Variants in ANKRD26 observed in about 807,000 individuals in gnomAD.
ANKRD26 encodes ankyrin repeat domain 26.
Under a neutral mutation model 208.7 loss-of-function variants are expected in ANKRD26, and 141 were observed. That is an observed-to-expected ratio of 0.68 (90% confidence interval 0.59 to 0.78). The LOEUF is 0.78. Ranked by LOEUF, ANKRD26 falls within the 30% of genes least tolerant of loss-of-function variation. The pLI, the probability that ANKRD26 is intolerant of heterozygous loss-of-function variation, is 0.00. For synonymous variants in ANKRD26, 636 were observed against 660.4 expected (o/e 0.96, Z 0.57); for missense variants, 1,889 against 1,938.7 (o/e 0.97, Z 0.48).
intron 4 of ANKRD26, among the ~76,000 whole-genome samples, chr10:26,998,715 T>C (rs1464675752): frequency 6.6e-6 from 1 of 152,180 alleles, no homozygotes; most frequent in Admixed American, 6.5e-5. Context: ...ACCAGGGCAA[T>C]CATGAGAGAT....
chr10:26,961,657 A>G, the ANKRD26 span, among the ~76,000 whole-genome samples: 4 of 152,090 alleles, frequency 2.6e-5, no homozygotes, highest in Non-Finnish European at 5.9e-5. Context: ...CAGCCTGGGC[A>G]ATATAGTGAA....
chr10:26,986,227 T>C (rs1388527879), intron 3 of ANKRD26, among the ~76,000 whole-genome samples: 1 of 152,234 alleles, frequency 6.6e-6, no homozygotes, highest in Non-Finnish European at 1.5e-5. Context: ...GTTAGCCATA[T>C]GTAGAAAGCT....
At chr10:26,990,413 C>T (rs996466875), downstream of ANKRD26, among the ~76,000 whole-genome samples, 4 of 152,112 alleles carry the variant, frequency 2.6e-5, no homozygotes, top group African/African-American at 7.2e-5. Context: ...GGGAGTGTAT[C>T]ACACCCAAAG....
At chr10:26,973,343 T>C (rs866741835), downstream of ANKRD26, among the ~76,000 whole-genome samples, 2 of 152,276 alleles carry the variant, frequency 1.3e-5, no homozygotes, top group Middle Eastern at 6.8e-3. Context: ...TTTGCAATCA[T>C]TGTAGTTACC....
In ANKRD26 at chr10:27,100,027, C is replaced by A; in HGVS notation, c.242+58G>T. 1.9e-6 allele frequency: 3 copies of A among 1,608,566 alleles called. No homozygotes were observed. In the East Asian group the frequency reaches 6.7e-5, roughly 36 times the overall value. On this transcript the variant is annotated intron_variant, in intron 1 of 33. Transcript: ENST00000376087. ...CCTGGGTGGCTCCCACAAAAGGGGC[C>A]CCTCTTCCTGCCCGCCTACTCCAGT...
downstream of ANKRD26, among the ~76,000 whole-genome samples, chr10:26,973,849 G>T (rs1228705191): frequency 2.0e-5 from 3 of 151,644 alleles, no homozygotes; most frequent in South Asian, 4.2e-4. Context: ...TAGAGACGGG[G>T]TTTCGCCATG....
chr10:27,021,587 T>C (rs1372209048), intron 29 of ANKRD26, among the ~76,000 whole-genome samples: 1 of 152,238 alleles, frequency 6.6e-6, no homozygotes. Context: ...TCGTATGTCT[T>C]CTTATGAGAA....
intron 20 of ANKRD26, among the ~76,000 whole-genome samples, chr10:27,041,665 A>C (rs932470249): frequency 1.3e-5 from 2 of 152,202 alleles, no homozygotes; most frequent in Non-Finnish European, 2.9e-5. Flanking sequence ...ACTAAATTAG[A>C]TGAAAATAAA....
In ANKRD26 at chr10:27,081,950, C is replaced by G. The variant is rs145806286; in HGVS notation, c.740+853G>C. Among the ~76,000 whole-genome samples the G allele has an allele frequency of 8.6e-5, 13 of 151,088 alleles. No individual in the cohort carries two copies. In the South Asian group the frequency reaches 1.3e-3, roughly 15 times the overall value. ...ACAGGGTTTCACCGTGTTAGCCAGG[C>G]TGGTCTCGATCTCCTGACTTTGTGA... is the stretch of plus-strand genomic sequence containing the variant. On this transcript the variant is annotated intron_variant, in intron 6 of 33. Transcript: ENST00000376087.
At position 27,017,577 on chromosome 10, in the gene ANKRD26, C is replaced by G. The variant is rs765256434; in HGVS notation, c.4431G>C (p.Gln1477His). The G allele has an allele frequency of 5.6e-6, 9 of 1,613,654 alleles. No individual in the cohort carries two copies. Among genetic ancestry groups the G allele is most frequent in the Non-Finnish European group, 7.6e-6 (9 of 1,179,802 alleles). The change falls in exon 30 of 34, where the codon CAG (glutamine) becomes CAC (histidine). Residue 1477 changes from glutamine to histidine, a missense_variant. Transcript: ENST00000376087. ...RNMVELGQVK[Q>H]YKQEIEERAR... The stretch of plus-strand genomic sequence containing the variant: ...CTCTTTCTTCAATCTCCTGTTTATA[C>G]TGTTTGACTTGACCAAGTTCTACCA...
chr10:27,056,519 T>C (rs1421876111), intron 15 of ANKRD26, among the ~76,000 whole-genome samples: 2 of 151,818 alleles, frequency 1.3e-5, no homozygotes, highest in Non-Finnish European at 2.9e-5. Context: ...GTTACATGCC[T>C]GTAATCCCCA....
At chr10:27,019,706 T>C (rs905921712) in intron 29 of ANKRD26, among the ~76,000 whole-genome samples, 3 of 152,240 alleles carry the variant, frequency 2.0e-5, no homozygotes, top group Non-Finnish European at 4.4e-5. Flanking sequence ...TTGTTTGCCA[T>C]GAATAAATTA....
chr10:26,948,518 C>T, the ANKRD26 span, among the ~76,000 whole-genome samples: 1 of 152,190 alleles, frequency 6.6e-6, no homozygotes, highest in South Asian at 2.1e-4. Context: ...CATTTTGATG[C>T]CAATCCCTCA....
intron 9 of ANKRD26, among the ~76,000 whole-genome samples, chr10:27,069,940 AGACCCC>A (rs2055418655): frequency 6.6e-6 from 1 of 151,922 alleles, no homozygotes; most frequent in Admixed American, 6.6e-5. Flanking sequence ...TAATATAGCG[AGACCCC>A]ATCTCTACAA....
intron 9 of ANKRD26, among the ~76,000 whole-genome samples, chr10:27,075,563 G>T (rs143781851): frequency 2.6e-4 from 40 of 152,170 alleles, no homozygotes; most frequent in Non-Finnish European, 5.1e-4. Flanking sequence ...AAATATATAC[G>T]CACCTATCTT....
At chr10:27,043,276 T>C in intron 20 of ANKRD26, 150 bp downstream of exon 20, 2 of 813,048 alleles carry the variant, frequency 2.5e-6, no homozygotes, top group South Asian at 3.3e-5. Flanking sequence ...GAATATATCA[T>C]ATAAAGAACT....
At chr10:27,029,019 C>A in intron 26 of ANKRD26, 74 bp from the exon 27 acceptor site, 1 of 1,220,528 alleles carries the variant, frequency 8.2e-7, no homozygotes, top group African/African-American at 1.5e-5. Context: ...TTAGCAAACA[C>A]CTGAAGGCAT....
At chr10:27,079,256 A>G in intron 6 of ANKRD26, 95 bp from the exon 7 acceptor site, 3 of 990,216 alleles carry the variant, frequency 3.0e-6, no homozygotes, top group Non-Finnish European at 1.6e-6. Context: ...GCCCCCTCCA[A>G]AAAAACAAAA....
chr10:27,079,261 A>C (rs1441678350), intron 6 of ANKRD26, 100 bp from the exon 7 acceptor site: 1 of 932,870 alleles, frequency 1.1e-6, no homozygotes, highest in African/African-American at 1.7e-5. Flanking sequence ...CTCCAAAAAA[A>C]CAAAAACCTG....
Sources: allele counts gnomAD v4.1 joint callset (sites outside exome capture counted in the v4.1 genomes callset), GRCh38; gene constraint gnomAD v4.1.1; transcripts MANE v1.5; gene names NCBI Gene and HGNC (gene_info 2026-07-23, HGNC 2026-07-21).